The following ARHGAP44 variants were observed in gnomAD, a reference collection of about 807,000 sequenced individuals.
ARHGAP44 encodes the protein Rho GTPase activating protein 44, also known as rho GTPase-activating protein 44.
In ARHGAP44, 43 loss-of-function variants were observed where a neutral mutation model predicts 106.8. That is an observed-to-expected ratio of 0.40 (90% confidence interval 0.32 to 0.52). ARHGAP44 has a LOEUF of 0.52. Ranked by LOEUF, ARHGAP44 falls within the 20% of genes least tolerant of loss-of-function variation. The pLI, the probability that ARHGAP44 is intolerant of heterozygous loss-of-function variation, is 0.48. For synonymous variants in ARHGAP44, 439 were observed against 410.3 expected (o/e 1.07, Z -0.85); for missense variants, 866 against 1,050.5 (o/e 0.82, Z 2.43).
intron 10 of ARHGAP44, among the ~76,000 whole-genome samples, chr17:12,948,432 G>A (rs1321483753): frequency 6.6e-6 from 1 of 152,186 alleles, no homozygotes; most frequent in Admixed American, 6.5e-5. Context: ...CACTTTGGGA[G>A]GCTGAGGCAG....
At chr17:12,903,146 T>A (rs1011727303) in intron 3 of ARHGAP44, among the ~76,000 whole-genome samples, 2,336 of 121,458 alleles carry the variant, frequency 0.019, 50 homozygotes, top group East Asian at 0.1. Context: ...AGAGAGTGTG[T>A]GTGTGTGTGT....
intron 19 of ARHGAP44, among the ~76,000 whole-genome samples, chr17:12,984,197 G>A (rs1302412078): frequency 6.6e-6 from 1 of 152,224 alleles, no homozygotes; most frequent in Admixed American, 6.5e-5. Flanking sequence ...TCACCACTGG[G>A]AAGGCAGCCC....
intron 1 of ARHGAP44, among the ~76,000 whole-genome samples, chr17:12,892,575 A>C (rs2037079984): frequency 6.6e-6 from 1 of 152,044 alleles, no homozygotes; most frequent in Non-Finnish European, 1.5e-5. Context: ...AGTCTAATAT[A>C]GCTACCATTT....
chr17:12,949,023 T>G lies in ARHGAP44; in HGVS notation c.862-117T>G. The stretch of plus-strand genomic sequence containing the variant: ...AGGCAACTGGGGGATTGGGAGATGG[T>G]GTTGGGCAAATGCATGTAAGAGGTT... On this transcript the variant is annotated intron_variant, in intron 10 of 20. Transcript: ENST00000379672. The surrounding 1 kb of genome is among the most constrained non-coding windows in gnomAD (Gnocchi z 4.1). 1 of 983,280 alleles carries G rather than the reference T, an allele frequency of 1.0e-6. No individual in the cohort carries two copies. Among genetic ancestry groups the G allele is most frequent in the Non-Finnish European group, 1.5e-6 (1 of 648,988 alleles). 60.9% of individuals were successfully genotyped at this position (983,280 alleles called of 1,614,324 possible). A position where few individuals can be genotyped will look rare whatever the true frequency, so the allele number is the denominator to read the frequency against.
At chr17:12,855,526 ATT>A (rs11478691) in intron 1 of ARHGAP44, among the ~76,000 whole-genome samples, 244 of 150,494 alleles carry the variant, frequency 1.6e-3, no homozygotes, top group African/African-American at 5.8e-3. Flanking sequence ...TCAGCATTTT[ATT>A]TTTTTTTACA....
chr17:12,906,960 C>CAA (rs199682151), intron 3 of ARHGAP44, among the ~76,000 whole-genome samples: 1 of 142,442 alleles, frequency 7.0e-6, no homozygotes, highest in African/African-American at 2.7e-5. Context: ...ACAAAACAAA[C>CAA]AAAAAAAACA....
intron 20 of ARHGAP44, among the ~76,000 whole-genome samples, chr17:12,989,150 G>C (rs1024176723): frequency 6.9e-6 from 1 of 145,456 alleles, no homozygotes; most frequent in African/African-American, 2.5e-5. Context: ...GAAGGGGACA[G>C]CATGACGAGA....
intron 19 of ARHGAP44, among the ~76,000 whole-genome samples, chr17:12,981,687 T>C (rs1439805563): frequency 1.3e-5 from 2 of 150,726 alleles, no homozygotes; most frequent in African/African-American, 4.9e-5. Flanking sequence ...CGTGAGCCAC[T>C]GTACCCGGCC....
At chr17:12,906,229 C>A (rs77213065) in intron 3 of ARHGAP44, among the ~76,000 whole-genome samples, 9,262 of 152,268 alleles carry the variant, frequency 0.061, 329 homozygotes, top group Admixed American at 0.087. Context: ...TCTACACTTA[C>A]ATAACACTTC....
chr17:12,926,165 G>T (rs2038222197), intron 6 of ARHGAP44, among the ~76,000 whole-genome samples: 2 of 151,902 alleles, frequency 1.3e-5, no homozygotes, highest in South Asian at 4.1e-4. Context: ...AGGAGTTCAA[G>T]ACTAACCTGA....
chr17:12,976,676 T>A (rs3785713), intron 18 of ARHGAP44, among the ~76,000 whole-genome samples: 119,206 of 150,500 alleles, frequency 0.79, 47,458 homozygotes, highest in Non-Finnish European at 0.82. Context: ...GGACAGGGGG[T>A]TAGATAGTCT....
chr17:12,893,779 G>A (rs2150917193), intron 1 of ARHGAP44, among the ~76,000 whole-genome samples: 1 of 152,242 alleles, frequency 6.6e-6, no homozygotes, highest in Non-Finnish European at 1.5e-5. Flanking sequence ...TCCTTTCTTT[G>A]TCCTTTGTCT....
chr17:12,889,544 G>A (rs1351066015), intron 1 of ARHGAP44, among the ~76,000 whole-genome samples: 1 of 152,152 alleles, frequency 6.6e-6, no homozygotes, highest in Non-Finnish European at 1.5e-5. Context: ...CAACACCACT[G>A]CATTGGGGAT....
intron 1 of ARHGAP44, among the ~76,000 whole-genome samples, chr17:12,891,990 A>T (rs1007054464): frequency 9.3e-6 from 1 of 107,340 alleles, no homozygotes; most frequent in East Asian, 3.5e-4. Flanking sequence ...AGAGATGGCC[A>T]TGTTGGCCAG....
At chr17:12,975,795 CAAAAAA>C (rs57364760) in intron 18 of ARHGAP44, among the ~76,000 whole-genome samples, 5 of 69,406 alleles carry the variant, frequency 7.2e-5, no homozygotes, top group African/African-American at 1.2e-4. Context: ...GACTCCGTCT[CAAAAAA>C]AAAAAAAAAA....
In ARHGAP44 at chr17:12,955,988, C is replaced by G. The variant is rs562268279; in HGVS notation, c.1250+8C>G. On this transcript the variant is annotated splice_region_variant and intron_variant, in intron 14 of 20. Coordinates refer to ENST00000379672, the MANE Select transcript of ARHGAP44 (RefSeq NM_014859.6). ...ATGGCCACAAGCAGAAGGGTAAGTA[C>G]AGGGCGGAGAAGTAATGTGGGTGAT... 1.9e-6 allele frequency: 3 copies of G among 1,602,818 alleles called. No homozygotes were observed. The African/African-American group carries it at 4.0e-5, about 21-fold the overall frequency.
chr17:12,915,927 G>A lies in ARHGAP44; in HGVS notation c.303G>A (p.Thr101=), dbSNP rs756913559. The A allele has an allele frequency of 5.6e-6, 9 of 1,613,894 alleles. No individual in the cohort carries two copies. Among genetic ancestry groups the A allele is most frequent in the Admixed American group, 1.7e-5 (1 of 60,010 alleles). Residue 101 remains threonine (T), a synonymous_variant, in exon 5 of 21, where the codon ACG becomes ACA. Coordinates refer to ENST00000379672, the MANE Select transcript of ARHGAP44 (RefSeq NM_014859.6). Reference sequence around the variant, plus strand: ...AGATGCTGAAACTCTGTGGAGAGACGGAGGACAAGCTGGCTCAGGAGCTGA... The same window carrying A: ...AGATGCTGAAACTCTGTGGAGAGACAGAGGACAAGCTGGCTCAGGAGCTGA... ...LGKMLKLCGE[T]EDKLAQELIH...
intron 1 of ARHGAP44, among the ~76,000 whole-genome samples, chr17:12,805,452 G>T (rs970783501): frequency 1.3e-5 from 2 of 152,098 alleles, no homozygotes; most frequent in African/African-American, 4.8e-5. Context: ...TTTTTTCCAT[G>T]CTAAATATGT....
intron 16 of ARHGAP44, among the ~76,000 whole-genome samples, chr17:12,962,914 G>A (rs1011015671): frequency 1.3e-5 from 2 of 151,886 alleles, no homozygotes; most frequent in Admixed American, 6.6e-5. Context: ...GCATCGTGGC[G>A]CATGCCTGTA....
Sources: allele counts gnomAD v4.1 joint callset (sites outside exome capture counted in the v4.1 genomes callset), GRCh38; gene constraint gnomAD v4.1.1; non-coding constraint Gnocchi (gnomAD v3.1); transcripts MANE v1.5; gene names NCBI Gene and HGNC (gene_info 2026-07-23, HGNC 2026-07-21).